ARHGEF26: variants seen among roughly 807,000 people sequenced by gnomAD.
ARHGEF26 encodes the protein Rho guanine nucleotide exchange factor (GEF) 26.
ARHGEF26 carries 59 observed loss-of-function variants against 89.4 expected under a neutral mutation model. The ratio of observed to expected loss-of-function variants is 0.66; its 90% CI spans 0.54 to 0.82. ARHGEF26 has a LOEUF of 0.82. ARHGEF26 is among the 40% of genes least tolerant of loss of function. The probability of loss-of-function intolerance (pLI) is 0.00; values close to 1 mark genes in which losing one functional copy is unlikely to be tolerated. For synonymous variants in ARHGEF26, 500 were observed against 428.4 expected, an observed-to-expected ratio of 1.17 and a Z score of -2.06; for missense variants, 1,234 against 1,085.6, an observed-to-expected ratio of 1.14 and a Z score of -1.92.
At chr3:154,226,966 A>C (rs1019496248) in intron 11 of ARHGEF26, among the ~76,000 whole-genome samples, 1 of 152,174 alleles carries the variant, frequency 6.6e-6, no homozygotes, top group South Asian at 2.1e-4. Flanking sequence ...TAAATGTCCA[A>C]ATGTATCAGG....
intron 6 of ARHGEF26, among the ~76,000 whole-genome samples, chr3:154,172,204 C>T (rs1712494325): frequency 6.6e-6 from 1 of 152,170 alleles, no homozygotes; most frequent in South Asian, 2.1e-4. Flanking sequence ...GCCCCTGTGC[C>T]TTCCAGAAGA....
At chr3:154,233,283 C>T (rs1435328930) in intron 11 of ARHGEF26, among the ~76,000 whole-genome samples, 1 of 152,054 alleles carries the variant, frequency 6.6e-6, no homozygotes, top group African/African-American at 2.4e-5. Flanking sequence ...CAACCTCAGT[C>T]AAGTGAAAAA....
chr3:154,157,462 C>T (rs1214650904), intron 6 of ARHGEF26, among the ~76,000 whole-genome samples: 1 of 152,104 alleles, frequency 6.6e-6, no homozygotes, highest in African/African-American at 2.4e-5. Context: ...GCATTTTCAC[C>T]ATTTCCTAAA....
At chr3:154,202,899 T>G (rs1279934568) in intron 9 of ARHGEF26, among the ~76,000 whole-genome samples, 2 of 152,064 alleles carry the variant, frequency 1.3e-5, no homozygotes, top group African/African-American at 2.4e-5. Flanking sequence ...AGATTTTGGG[T>G]TGAGACGATG....
intron 6 of ARHGEF26, among the ~76,000 whole-genome samples, chr3:154,186,853 G>GA (rs1159712389): frequency 9.5e-6 from 1 of 104,798 alleles, no homozygotes; most frequent in East Asian, 2.5e-4. Context: ...TTTATTTTGA[G>GA]AAAAAAACAT....
chr3:154,142,585 T>C (rs1403411612), intron 4 of ARHGEF26, among the ~76,000 whole-genome samples: 2 of 151,166 alleles, frequency 1.3e-5, no homozygotes, highest in African/African-American at 4.9e-5. Flanking sequence ...TCAGAGTCGC[T>C]GTTGTTCTAA....
At chr3:154,231,730 G>A (rs1285633481) in intron 11 of ARHGEF26, among the ~76,000 whole-genome samples, 5 of 152,102 alleles carry the variant, frequency 3.3e-5, no homozygotes, top group Non-Finnish European at 7.4e-5. Flanking sequence ...GACCAGACAT[G>A]AATTTATGGC....
intron 4 of ARHGEF26, among the ~76,000 whole-genome samples, chr3:154,134,954 T>G (rs1358294940): frequency 6.6e-6 from 1 of 152,190 alleles, no homozygotes; most frequent in Non-Finnish European, 1.5e-5. Context: ...GGATAAGCTT[T>G]TTGATGTGCT....
At chr3:154,237,176 A>G (rs1717170200) in intron 11 of ARHGEF26, among the ~76,000 whole-genome samples, 1 of 152,230 alleles carries the variant, frequency 6.6e-6, no homozygotes, top group Admixed American at 6.5e-5. Flanking sequence ...TAAGAGAACA[A>G]TTAATAAACA....
chr3:154,182,400 G>A (rs190835101), intron 6 of ARHGEF26, among the ~76,000 whole-genome samples: 14 of 152,210 alleles, frequency 9.2e-5, no homozygotes, highest in Non-Finnish European at 1.8e-4. Flanking sequence ...GCTTCACAGG[G>A]CACCTGTAAA....
chr3:154,163,631 A>G (rs1273235544), intron 6 of ARHGEF26, among the ~76,000 whole-genome samples: 1 of 152,180 alleles, frequency 6.6e-6, no homozygotes, highest in Non-Finnish European at 1.5e-5. Context: ...TTTTTATCTC[A>G]TATTTGAATG....
In ARHGEF26 at chr3:154,257,054, A is replaced by G; in HGVS notation, c.*1581A>G. 1.4e-6 allele frequency: 2 copies of G among 1,395,558 alleles called. No individual in the cohort carries two copies. The highest frequency in any genetic ancestry group is 1.9e-6 in the Non-Finnish European group (2 of 1,073,108). The allele number at this position is 1,395,558 out of a possible 1,614,324, so 86.4% of individuals were successfully genotyped here. A position where few individuals can be genotyped will look rare whatever the true frequency, so the allele number is the denominator to read the frequency against. On this transcript the variant is annotated 3_prime_UTR_variant, in exon 15 of 15. Transcript: ENST00000465093. Reference sequence around the variant, plus strand: ...CTCAAATCTGTATGTGACATGTCCCAACTACTGTCCGCTAACTAGTTATCC... The same window carrying G: ...CTCAAATCTGTATGTGACATGTCCCGACTACTGTCCGCTAACTAGTTATCC...
intron 6 of ARHGEF26, among the ~76,000 whole-genome samples, chr3:154,157,201 C>T (rs1476606879): frequency 1.3e-5 from 2 of 152,084 alleles, no homozygotes; most frequent in Non-Finnish European, 2.9e-5. Flanking sequence ...CACTTAGGGC[C>T]TCCTATTCTG....
At chr3:154,187,518 G>C (rs1261598473) in intron 6 of ARHGEF26, among the ~76,000 whole-genome samples, 167 bp from the exon 7 acceptor site, 1 of 151,582 alleles carries the variant, frequency 6.6e-6, no homozygotes, top group Non-Finnish European at 1.5e-5. Flanking sequence ...TAATATGATA[G>C]ATTTAAACTT....
At chr3:154,229,379 A>G (rs1330683084) in intron 11 of ARHGEF26, among the ~76,000 whole-genome samples, 6 of 152,074 alleles carry the variant, frequency 3.9e-5, no homozygotes, top group Admixed American at 3.3e-4. Flanking sequence ...CTTTACAAGA[A>G]AGTTTAAAGT....
At chr3:154,143,500 T>C (rs985881940) in intron 4 of ARHGEF26, among the ~76,000 whole-genome samples, 2 of 152,240 alleles carry the variant, frequency 1.3e-5, no homozygotes, top group Non-Finnish European at 2.9e-5. Flanking sequence ...AACCAATTTC[T>C]TGTTGTTAAT....
In ARHGEF26 at chr3:154,152,852, A is replaced by AGAACT; in HGVS notation, c.1410_1414dup (p.Ser472AsnfsTer2). Reference sequence around the variant, plus strand: ...TGATACGAATGTTTAAAAATTCTAAAGAACTGAGTGATACAATGACTAAAA... The same window carrying AGAACT: ...TGATACGAATGTTTAAAAATTCTAAAGAACTGAACTGAGTGATACAATGACTAAAA... On this transcript the variant is annotated frameshift_variant, in exon 6 of 15. Coordinates refer to ENST00000465093, the MANE Select transcript of ARHGEF26 (RefSeq NM_015595.4). LOFTEE classifies it high-confidence loss of function. The AGAACT allele has an allele frequency of 6.3e-7, 1 of 1,589,030 alleles. No individual in the cohort carries two copies. Among genetic ancestry groups the AGAACT allele is most frequent in the Admixed American group, 1.8e-5 (1 of 56,538 alleles).
At chr3:154,171,727 A>G (rs1209301313) in intron 6 of ARHGEF26, among the ~76,000 whole-genome samples, 1 of 152,128 alleles carries the variant, frequency 6.6e-6, no homozygotes, top group African/African-American at 2.4e-5. Context: ...GGCTGGAGAC[A>G]TATTTGGGAG....
At position 154,148,868 on chromosome 3, in the gene ARHGEF26, C is replaced by G. The variant is rs371168458; in HGVS notation, c.1270-521C>G. On this transcript the variant is annotated intron_variant, in intron 4 of 14. Coordinates refer to ENST00000465093, the MANE Select transcript of ARHGEF26 (RefSeq NM_015595.4). ...ATGGTGGGTAAAGCTAAGAACATTC[C>G]AAGATACATGTGGACCAAAAAAACA... Among the ~76,000 whole-genome samples the G allele has an allele frequency of 8.5e-5, 13 of 152,206 alleles. 1 individual carries two copies. Among genetic ancestry groups the G allele is most frequent in the Admixed American group, 2.0e-4 (3 of 15,290 alleles).
Sources: allele counts gnomAD v4.1 joint callset (sites outside exome capture counted in the v4.1 genomes callset), GRCh38; gene constraint gnomAD v4.1.1; transcripts MANE v1.5; gene names NCBI Gene and HGNC (gene_info 2026-07-23, HGNC 2026-07-21).